The following PARP10 variants were observed in gnomAD, a reference collection of about 807,000 sequenced individuals.
PARP10 encodes the protein poly(ADP-ribose) polymerase family member 10.
Under a neutral mutation model 82.4 loss-of-function variants are expected in PARP10, and 56 were observed. That is an observed-to-expected ratio of 0.68 (90% CI 0.55 to 0.85). PARP10 has a LOEUF of 0.85. Among genes scored for constraint, PARP10 ranks in the 40% least tolerant of loss-of-function variants. The pLI, the probability that PARP10 is intolerant of heterozygous loss-of-function variation, is 0.00. For missense variants in PARP10, 1,227 were observed against 1,379.4 expected (o/e 0.89, Z 1.75); for synonymous variants, 576 against 601.1 (o/e 0.96, Z 0.61).
upstream of PARP10, chr8:143,990,062 C>G (rs1452414958): frequency 1.3e-5 from 2 of 150,856 alleles, no homozygotes; most frequent in African/African-American, 4.8e-5. This position sits in a 1 kb window ranked among gnomAD's most constrained non-coding sequence, Gnocchi z 5.6. Flanking sequence ...CGTCACAAGG[C>G]CCCGCTGCGT....
upstream of PARP10, chr8:143,992,180 G>A (rs1554750644): frequency 1.3e-6 from 2 of 1,597,936 alleles, no homozygotes; most frequent in East Asian, 4.5e-5. Flanking sequence ...TGCTCATGAG[G>A]CAGGGGCCGG....
chr8:143,992,404 C>G (rs377212535), upstream of PARP10: 3 of 1,611,174 alleles, frequency 1.9e-6, no homozygotes, highest in African/African-American at 2.7e-5. Flanking sequence ...GGGCTGTGGC[C>G]GCAGGGGCTG....
upstream of PARP10, chr8:143,993,565 G>A (rs1554750952): frequency 6.5e-6 from 1 of 152,914 alleles, no homozygotes; most frequent in Non-Finnish European, 1.5e-5. Flanking sequence ...TACATCATAA[G>A]GTGTGTGTTG....
chr8:143,983,547 T>C lies in PARP10; in HGVS notation c.2042A>G (p.Gln681Arg). 1 of 1,606,774 alleles carries C rather than the reference T, an allele frequency of 6.2e-7. No homozygotes were observed. The highest frequency in any genetic ancestry group is 1.1e-5 in the South Asian group (1 of 89,832). Reference sequence around the variant, plus strand: ...CTCCAGCAGGGAGAGGGTTAGGGCTTGCCGCAGGGCAGCAGCCTCCTCCTG... The same window carrying C: ...CTCCAGCAGGGAGAGGGTTAGGGCTCGCCGCAGGGCAGCAGCCTCCTCCTG... ...AEQEEAAALRQALTLSLLEQP... is the reference protein window; with the variant it reads ...AEQEEAAALRRALTLSLLEQP... The change falls in exon 8 of 11, where the codon CAA becomes CGA. Residue 681 changes from glutamine to arginine, a missense_variant. Coordinates refer to ENST00000313028, the MANE Select transcript of PARP10 (RefSeq NM_032789.5).
At chr8:143,992,191 C>T (rs527950255), upstream of PARP10, 4 of 1,600,116 alleles carry the variant, frequency 2.5e-6, no homozygotes, top group Admixed American at 1.7e-5. Flanking sequence ...CAGGGGCCGG[C>T]AGGGGTGGCA....
At position 143,984,637 on chromosome 8, in the gene PARP10, C is replaced by T; in HGVS notation, c.1365G>A (p.Met455Ile). ...CCTCATGGTAGAGCTGCAGGAAGCG[C>T]ATCGCCCCTGGCTCCATCAATAGCA... ...EMVLLMEPGA[M>I]RFLQLYHEDL... The change falls in exon 5 of 11, where the codon ATG (methionine) becomes ATA (isoleucine). Residue 455 changes from methionine to isoleucine, a missense_variant. Coordinates refer to ENST00000313028, the MANE Select transcript of PARP10 (RefSeq NM_032789.5). 6.2e-7 allele frequency: 1 copy of T among 1,614,068 alleles called. No individual in the cohort carries two copies. The highest frequency in any genetic ancestry group is 8.5e-7 in the Non-Finnish European group (1 of 1,179,988).
chr8:143,984,788 A>G lies in PARP10; in HGVS notation c.1214T>C (p.Met405Thr), dbSNP rs782508652. 2.0e-5 allele frequency: 32 copies of G among 1,612,466 alleles called. No homozygotes were observed. The highest frequency in any genetic ancestry group is 1.6e-4 in the Middle Eastern group (1 of 6,070). ...CAGCCCCTCTTGCTCTGGTGAGTCC[A>G]TGGCAATTTCCACCAGGCCCTCCTG... Reference protein sequence around the residue: ...LGQEGLVEIAMDSPEQEGLVG... With the variant: ...LGQEGLVEIATDSPEQEGLVG... The change falls in exon 5 of 11, where the codon ATG becomes ACG. Residue 405 changes from methionine (M) to threonine (T), a missense_variant. Physicochemically the swap from Met to Thr is moderately conservative, Grantham distance 81. Transcript: ENST00000313028.
rs143153151 is a variant in PARP10, at chr8:143,984,247, C to T, written c.1643G>A (p.Arg548His). The T allele has an allele frequency of 7.6e-5, 123 of 1,613,964 alleles. No homozygotes were observed. The African/African-American group carries it at 1.2e-3, about 16-fold the overall frequency. Residue 548 changes from arginine to histidine, a missense_variant, in exon 6 of 11, where the codon CGC becomes CAC. Transcript: ENST00000313028. ...TGTGTCCAACGTGGCTGTGGCCAGG[C>T]GCTCTGTCCCAAAGACACACTGGAA... ...AQFQCVFGTE[R>H]LATATLDTGL...
intron 1 of PARP10, among the ~76,000 whole-genome samples, chr8:144,000,004 T>C (rs150363291): frequency 2.0e-5 from 3 of 152,252 alleles, no homozygotes; most frequent in East Asian, 3.9e-4. Context: ...TCTGAATACA[T>C]AACGCTTGAA....
chr8:144,000,916 T>G (rs1178280232), intron 1 of PARP10, among the ~76,000 whole-genome samples: 8 of 144,492 alleles, frequency 5.5e-5, no homozygotes, highest in Non-Finnish European at 4.6e-5. Context: ...GTGTTTTTTT[T>G]TTTTTTTTTT....
chr8:143,992,214 C>G, upstream of PARP10: 1 of 1,603,212 alleles, frequency 6.2e-7, no homozygotes, highest in Non-Finnish European at 8.5e-7. Context: ...GGGGCACACA[C>G]CCAAGGTCAG....
upstream of PARP10, among the ~76,000 whole-genome samples, chr8:143,987,821 G>A (rs190907644): frequency 5.1e-4 from 77 of 152,230 alleles, 1 homozygote; most frequent in Admixed American, 3.1e-3. Context: ...AACCTGGGAG[G>A]TGGAGGTTGC....
At chr8:143,996,106 C>T (rs952132191), upstream of PARP10, among the ~76,000 whole-genome samples, 4 of 152,224 alleles carry the variant, frequency 2.6e-5, no homozygotes, top group Non-Finnish European at 4.4e-5. Flanking sequence ...CCTCTTAACA[C>T]GACGCCCCAG....
intron 1 of PARP10, among the ~76,000 whole-genome samples, chr8:144,003,249 C>G (rs374193495): frequency 2.6e-5 from 4 of 151,880 alleles, no homozygotes; most frequent in South Asian, 2.1e-4. Flanking sequence ...AAGGTGAAAC[C>G]CTGTCTCTAC....
intron 9 of PARP10, among the ~76,000 whole-genome samples, chr8:143,980,149 G>A (rs1344594256): frequency 8.0e-5 from 12 of 150,156 alleles, no homozygotes; most frequent in African/African-American, 1.7e-4. Flanking sequence ...GTGAAACCCC[G>A]TCTCTAATAA....
chr8:143,997,610 G>A (rs1388609744), intron 1 of PARP10, among the ~76,000 whole-genome samples: 3 of 152,026 alleles, frequency 2.0e-5, no homozygotes, highest in Admixed American at 1.3e-4. Flanking sequence ...TCATTCCCCT[G>A]CTTAAACTCC....
chr8:143,989,242 G>GC (rs1348851827), upstream of PARP10, among the ~76,000 whole-genome samples: 5 of 152,340 alleles, frequency 3.3e-5, no homozygotes, highest in Non-Finnish European at 7.4e-5. This position sits in a 1 kb window ranked among gnomAD's most constrained non-coding sequence, Gnocchi z 4.3. Flanking sequence ...GTCAGTCACT[G>GC]CTCCCCCAAG....
intron 9 of PARP10, among the ~76,000 whole-genome samples, chr8:143,979,743 T>C (rs1833801609): frequency 6.6e-6 from 1 of 152,022 alleles, no homozygotes; most frequent in Non-Finnish European, 1.5e-5. Flanking sequence ...AAACCCCGTC[T>C]CGCTGGGCAT....
At position 143,983,604 on chromosome 8, in the gene PARP10, C is replaced by T. The variant is rs555688006; in HGVS notation, c.1985G>A (p.Arg662Gln). 8.7e-6 allele frequency: 14 copies of T among 1,604,220 alleles called. No homozygotes were observed. The highest frequency in any genetic ancestry group is 5.6e-5 in the South Asian group (5 of 89,508). ...EEAALQLALHRSLEPQGQVAE... is the reference protein window; with the variant it reads ...EEAALQLALHQSLEPQGQVAE... The stretch of plus-strand genomic sequence containing the variant: ...CACCTGACCTTGAGGCTCCAGTGAC[C>T]GGTGGAGGGCCAGCTGCAGAGCGGC... The change falls in exon 8 of 11, where the codon CGG (arginine) becomes CAG (glutamine). Residue 662 changes from arginine to glutamine, a missense_variant. Arg to Gln is a conservative substitution (Grantham distance 43). Transcript: ENST00000313028.
Sources: allele counts gnomAD v4.1 joint callset (sites outside exome capture counted in the v4.1 genomes callset), GRCh38; gene constraint gnomAD v4.1.1; non-coding constraint Gnocchi (gnomAD v3.1); transcripts MANE v1.5; gene names NCBI Gene and HGNC (gene_info 2026-07-23, HGNC 2026-07-21).